Variants in CFAP44 observed in about 807,000 individuals in gnomAD.
The protein encoded by CFAP44 is cilia- and flagella-associated protein 44.
Under a neutral mutation model 216.2 loss-of-function variants are expected in CFAP44, and 134 were observed. The observed-to-expected ratio is 0.62, with a 90% CI of 0.54 to 0.72. The LOEUF is 0.72. Among genes scored for constraint, CFAP44 ranks in the 30% least tolerant of loss-of-function variants. The probability of loss-of-function intolerance (pLI) is 0.00; values close to 1 mark genes in which losing one functional copy is unlikely to be tolerated. For missense variants in CFAP44, 2,035 were observed against 2,182.1 expected (o/e 0.93, Z 1.34); for synonymous variants, 700 against 727.6 (o/e 0.96, Z 0.61).
chr3:113,385,464 TC>T (rs1348790296), intron 15 of CFAP44, among the ~76,000 whole-genome samples: 1 of 152,200 alleles, frequency 6.6e-6, no homozygotes, highest in Non-Finnish European at 1.5e-5. Context: ...TTTATGATTT[TC>T]TTTCTTTTTT....
chr3:113,380,839 T>C lies in CFAP44; in HGVS notation c.2052+60A>G, dbSNP rs978033717. 22 of 1,346,320 alleles carry C rather than the reference T, an allele frequency of 1.6e-5. No homozygotes were observed. The African/African-American group carries it at 3.1e-4, about 19-fold the overall frequency. 83.4% of individuals were successfully genotyped at this position (1,346,320 alleles called of 1,614,324 possible). ...TATTCCATCAGCACTTAACATAGGA[T>C]ATTTTATATTCTAAGGAAAGGAAAT... is the stretch of plus-strand genomic sequence containing the variant. On this transcript the variant is annotated intron_variant, in intron 16 of 34. Transcript: ENST00000393845.
At chr3:113,327,499 A>T (rs1950198668) in intron 27 of CFAP44, 117 bp downstream of exon 27, 1 of 868,718 alleles carries the variant, frequency 1.2e-6, no homozygotes, top group Admixed American at 3.1e-5. Context: ...GGGGGAAAGA[A>T]GACAAGAAAG....
At chr3:113,352,013 G>C (rs149231234) in intron 22 of CFAP44, among the ~76,000 whole-genome samples, 1 of 152,138 alleles carries the variant, frequency 6.6e-6, no homozygotes, top group African/African-American at 2.4e-5. Flanking sequence ...GAAGTAGCTG[G>C]AGCAGTCATT....
At chr3:113,396,037 T>G (rs1933981626) in intron 14 of CFAP44, among the ~76,000 whole-genome samples, 177 bp from the exon 15 acceptor site, 1 of 152,210 alleles carries the variant, frequency 6.6e-6, no homozygotes, top group Non-Finnish European at 1.5e-5. Flanking sequence ...TTAGAGCATT[T>G]GGAAAACCAT....
chr3:113,292,315 A>T (rs986517744), intron 34 of CFAP44, among the ~76,000 whole-genome samples: 2 of 152,130 alleles, frequency 1.3e-5, no homozygotes, highest in African/African-American at 2.4e-5. Flanking sequence ...CCATTTTTTA[A>T]ATCTAAAACA....
intron 34 of CFAP44, among the ~76,000 whole-genome samples, chr3:113,292,192 T>C (rs1292370339): frequency 6.6e-6 from 1 of 151,360 alleles, no homozygotes; most frequent in Non-Finnish European, 1.5e-5. Flanking sequence ...ATGGACTAGG[T>C]TAGGATTTCC....
chr3:113,322,740 A>G (rs571327054), intron 28 of CFAP44, among the ~76,000 whole-genome samples: 1 of 152,332 alleles, frequency 6.6e-6, no homozygotes, highest in Admixed American at 6.5e-5. Context: ...GGGTATATAC[A>G]CAAAGGAAAA....
chr3:113,291,465 TTAAAG>T lies in CFAP44; in HGVS notation c.*87_*91del, dbSNP rs1949828017. On this transcript the variant is annotated 3_prime_UTR_variant, in exon 35 of 35. Coordinates refer to ENST00000393845, the MANE Select transcript of CFAP44 (RefSeq NM_001164496.2). ...TTTTACACTTTCAGGCGAGTTCAGT[TTAAAG>T]TAATAAGATTGTTGGAGGTGATGAG... 5.0e-6 allele frequency: 7 copies of T among 1,401,668 alleles called. No homozygotes were observed. The South Asian group carries it at 9.8e-5, about 20-fold the overall frequency. 86.8% of individuals were successfully genotyped at this position (1,401,668 alleles called of 1,614,324 possible). A position where few individuals can be genotyped will look rare whatever the true frequency, so the allele number is the denominator to read the frequency against.
At chr3:113,438,881 T>C (rs1450372084) in intron 1 of CFAP44, among the ~76,000 whole-genome samples, 2 of 152,198 alleles carry the variant, frequency 1.3e-5, no homozygotes, top group African/African-American at 4.8e-5. Flanking sequence ...AATGACATGT[T>C]TCCAACTTTT....
intron 22 of CFAP44, 107 bp downstream of exon 22, chr3:113,358,638 T>C (rs569101386): frequency 1.5e-6 from 2 of 1,337,284 alleles, no homozygotes; most frequent in East Asian, 5.4e-5. Flanking sequence ...AGTCAGTGGG[T>C]ACTTCCAGAG....
chr3:113,420,508 G>C (rs1934785635), intron 4 of CFAP44, among the ~76,000 whole-genome samples: 1 of 152,092 alleles, frequency 6.6e-6, no homozygotes. Flanking sequence ...AAATAAATAA[G>C]GTTAAACCTA....
chr3:113,306,413 G>A (rs1949986086), intron 29 of CFAP44, 82 bp from the exon 30 acceptor site: 1 of 1,472,342 alleles, frequency 6.8e-7, no homozygotes, highest in South Asian at 1.3e-5. Flanking sequence ...TGGAGATTCA[G>A]AATCAATAAT....
At chr3:113,408,020 A>T (rs1011793589) in intron 7 of CFAP44, among the ~76,000 whole-genome samples, 1 of 152,236 alleles carries the variant, frequency 6.6e-6, no homozygotes, top group Non-Finnish European at 1.5e-5. Flanking sequence ...ATTTTCACAT[A>T]TAGCTAGCAG....
intron 15 of CFAP44, among the ~76,000 whole-genome samples, chr3:113,390,137 G>GATC: frequency 6.6e-6 from 1 of 152,202 alleles, no homozygotes; most frequent in Admixed American, 6.5e-5. Flanking sequence ...ACATTAAAAA[G>GATC]ATCATTCATC....
chr3:113,377,374 A>G (rs1004459577), intron 17 of CFAP44, among the ~76,000 whole-genome samples: 3 of 152,178 alleles, frequency 2.0e-5, no homozygotes, highest in African/African-American at 7.2e-5. Flanking sequence ...AACCTTGTTC[A>G]CCAGTGTAGC....
intron 28 of CFAP44, among the ~76,000 whole-genome samples, chr3:113,316,706 T>C (rs1950091354): frequency 6.6e-6 from 1 of 151,890 alleles, no homozygotes; most frequent in African/African-American, 2.4e-5. Context: ...CCATCTCTAC[T>C]AAAAATATAA....
intron 15 of CFAP44, among the ~76,000 whole-genome samples, chr3:113,391,289 T>C (rs771865043): frequency 2.9e-4 from 44 of 152,188 alleles, no homozygotes; most frequent in Non-Finnish European, 3.7e-4. Context: ...TGGATATCCA[T>C]ATGCAGAAGA....
chr3:113,431,006 T>C (rs931728010), intron 2 of CFAP44, among the ~76,000 whole-genome samples: 2 of 152,114 alleles, frequency 1.3e-5, no homozygotes, highest in South Asian at 4.1e-4. Context: ...AAACCTCTTG[T>C]TAAGTATGGG....
chr3:113,380,115 T>C (rs9990291), intron 16 of CFAP44, among the ~76,000 whole-genome samples: 83,188 of 152,026 alleles, frequency 0.55, 24,383 homozygotes, highest in African/African-American at 0.76. Context: ...TATACATGTG[T>C]CATGCTGGTG....
Sources: allele counts gnomAD v4.1 joint callset (sites outside exome capture counted in the v4.1 genomes callset), GRCh38; gene constraint gnomAD v4.1.1; transcripts MANE v1.5; gene names NCBI Gene and HGNC (gene_info 2026-07-23, HGNC 2026-07-21).